Variants in FAM220A observed in about 807,000 individuals in gnomAD.
FAM220A encodes protein FAM220A.
For synonymous variants in FAM220A, 141 were observed against 130.7 expected (o/e 1.08, Z -0.54); for missense variants, 392 against 321.6 (o/e 1.22, Z -1.68).
chr7:6,336,030 G>C (rs181377346), intron 1 of FAM220A, among the ~76,000 whole-genome samples: 1,596 of 151,960 alleles, frequency 0.011, 25 homozygotes, highest in African/African-American at 0.037. Flanking sequence ...AAAATTAATG[G>C]GGCATGGTGG....
At chr7:6,339,481 CCT>C (rs1295890344) in intron 1 of FAM220A, among the ~76,000 whole-genome samples, 1 of 151,782 alleles carries the variant, frequency 6.6e-6, no homozygotes, top group East Asian at 1.9e-4. Context: ...GCTGTGTACC[CCT>C]TTTTTTGTTT....
intron 1 of FAM220A, among the ~76,000 whole-genome samples, chr7:6,332,889 A>C (rs1427243152): frequency 6.6e-6 from 1 of 152,098 alleles, no homozygotes; most frequent in Non-Finnish European, 1.5e-5. Context: ...GGCCAGGCGC[A>C]GTGGCTCATG....
At chr7:6,340,371 G>T (rs180726604) in intron 1 of FAM220A, among the ~76,000 whole-genome samples, 21 of 152,278 alleles carry the variant, frequency 1.4e-4, no homozygotes, top group South Asian at 4.1e-4. Flanking sequence ...GGTTGGTGCG[G>T]TGGAGGACGG....
At chr7:6,344,209 T>C (rs987732361) in intron 1 of FAM220A, among the ~76,000 whole-genome samples, 3 of 151,912 alleles carry the variant, frequency 2.0e-5, no homozygotes, top group African/African-American at 7.3e-5. Context: ...TTTCCTGTTG[T>C]ACCTCCCTTT....
chr7:6,339,928 A>C (rs1044864358), intron 1 of FAM220A, among the ~76,000 whole-genome samples: 3 of 152,012 alleles, frequency 2.0e-5, no homozygotes, highest in Non-Finnish European at 4.4e-5. Context: ...TCTGCCGCCC[A>C]GGCTGGAGTG....
intron 1 of FAM220A, among the ~76,000 whole-genome samples, chr7:6,347,906 T>TATTATTATC (rs1781985241): frequency 1.4e-5 from 2 of 146,508 alleles, no homozygotes; most frequent in South Asian, 4.2e-4. Flanking sequence ...TTATTATTAT[T>TATTATTATC]ATTATTATTA....
chr7:6,336,470 C>G (rs181842168), intron 1 of FAM220A, among the ~76,000 whole-genome samples: 1 of 152,234 alleles, frequency 6.6e-6, no homozygotes, highest in Non-Finnish European at 1.5e-5. Context: ...CTCTTGAGGT[C>G]AGGAGTTTGA....
intron 1 of FAM220A, among the ~76,000 whole-genome samples, chr7:6,345,750 C>G (rs1781940159): frequency 6.6e-6 from 1 of 151,684 alleles, no homozygotes; most frequent in Non-Finnish European, 1.5e-5. Context: ...TTTTTAAAAT[C>G]TGTTTTTTTG....
chr7:6,346,782 C>A (rs1171801655), intron 1 of FAM220A, among the ~76,000 whole-genome samples: 5 of 152,130 alleles, frequency 3.3e-5, no homozygotes, highest in Non-Finnish European at 5.9e-5. Flanking sequence ...GCTACTGGGA[C>A]AATCATACTT....
In FAM220A at chr7:6,330,193, A is replaced by G. The variant is rs1008750975; in HGVS notation, c.*182T>C. 2 of 636,744 alleles carry G rather than the reference A, an allele frequency of 3.1e-6. No individual in the cohort carries two copies. The highest frequency in any genetic ancestry group is 5.5e-6 in the Non-Finnish European group (2 of 365,810). The allele number at this position is 636,744 out of a possible 1,614,324, so 39.4% of individuals were successfully genotyped here. ...TTAAAGCACAATTTAACACATGCCA[A>G]AAAAGTTCCTTCCGCATCAACTGGC... On this transcript the variant is annotated 3_prime_UTR_variant, in exon 2 of 2. Transcript: ENST00000313324.
chr7:6,347,391 C>T (rs991550652), intron 1 of FAM220A, among the ~76,000 whole-genome samples: 1 of 152,026 alleles, frequency 6.6e-6, no homozygotes, highest in African/African-American at 2.4e-5. Flanking sequence ...TGGCGGGCAC[C>T]TGTAGTCCCA....
chr7:6,333,168 C>CAAAAAAAAA (rs111863837), intron 1 of FAM220A, among the ~76,000 whole-genome samples: 3 of 127,988 alleles, frequency 2.3e-5, no homozygotes, highest in Non-Finnish European at 5.3e-5. Flanking sequence ...ATAAAAAAAT[C>CAAAAAAAAA]AAAAAAAAAA....
At chr7:6,346,882 C>T (rs946375551) in intron 1 of FAM220A, among the ~76,000 whole-genome samples, 1 of 152,162 alleles carries the variant, frequency 6.6e-6, no homozygotes, top group Non-Finnish European at 1.5e-5. Flanking sequence ...CGCCAGGGAG[C>T]AACCCAAGGA....
At chr7:6,345,341 C>T (rs536186282) in intron 1 of FAM220A, among the ~76,000 whole-genome samples, 6 of 152,082 alleles carry the variant, frequency 3.9e-5, no homozygotes, top group African/African-American at 1.4e-4. Context: ...TCTGGAACTC[C>T]TGGGCTCAAG....
intron 1 of FAM220A, among the ~76,000 whole-genome samples, chr7:6,334,305 C>G (rs534881816): frequency 6.6e-6 from 1 of 151,236 alleles, no homozygotes; most frequent in African/African-American, 2.4e-5. Context: ...GGAGGCCTAG[C>G]TGGGTGGATC....
intron 1 of FAM220A, among the ~76,000 whole-genome samples, chr7:6,344,051 A>C (rs1230937574): frequency 6.6e-6 from 1 of 151,758 alleles, no homozygotes; most frequent in African/African-American, 2.4e-5. Flanking sequence ...ACATTCAACT[A>C]ACTTTTAATG....
intron 1 of FAM220A, among the ~76,000 whole-genome samples, chr7:6,345,736 TC>T (rs1781939920): frequency 6.6e-6 from 1 of 152,070 alleles, no homozygotes; most frequent in African/African-American, 2.4e-5. Flanking sequence ...CCTCAAAGTT[TC>T]TTTTTTTAAA....
intron 1 of FAM220A, among the ~76,000 whole-genome samples, chr7:6,333,772 CTT>C (rs531956945): frequency 1.8e-4 from 22 of 124,964 alleles, no homozygotes; most frequent in Admixed American, 2.5e-4. Context: ...GAACAAGTGT[CTT>C]TTTTTTTTTT....
chr7:6,330,712 C>T lies in FAM220A; in HGVS notation c.443G>A (p.Gly148Glu), dbSNP rs1438295785. The change falls in exon 2 of 2, where the codon GGA becomes GAA. Residue 148 changes from glycine (G) to glutamate (E), a missense_variant. Coordinates refer to ENST00000313324, the MANE Select transcript of FAM220A (RefSeq NM_001037163.2). ...TDGHRGQCPK[G>E]EPRVSRLPRH... is the part of the protein sequence containing the mutation. ...TGGCAGTCGTGACACCCGAGGCTCTCCTTTGGGGCACTGTCCTCTGTGGCC... is the reference window on the plus strand; with the variant it reads ...TGGCAGTCGTGACACCCGAGGCTCTTCTTTGGGGCACTGTCCTCTGTGGCC... 3 of 1,614,018 alleles carry T rather than the reference C, an allele frequency of 1.9e-6. No homozygotes were observed. The African/African-American group carries it at 4.0e-5, about 22-fold the overall frequency.
Sources: gnomAD v4.1 joint callset for allele counts (sites outside exome capture counted in the v4.1 genomes callset) on GRCh38, gnomAD v4.1.1 for gene constraint, MANE v1.5 for transcripts, NCBI Gene and HGNC (gene_info 2026-07-23, HGNC 2026-07-21) for gene names.